Variants in ANKRD13C observed in about 807,000 individuals in gnomAD.
The protein encoded by ANKRD13C is ankyrin repeat domain 13C, also known as ankyrin repeat domain-containing protein 13C.
ANKRD13C carries 16 observed loss-of-function variants against 65.5 expected under a neutral mutation model. That is an observed-to-expected ratio of 0.24 (90% CI 0.17 to 0.37). The LOEUF (loss-of-function observed/expected upper bound fraction) is 0.37, where lower values mean the gene tolerates loss of function less well. Ranked by LOEUF, ANKRD13C falls within the 10% of genes least tolerant of loss-of-function variation. The pLI is 1.00. For synonymous variants in ANKRD13C, 235 were observed against 238.7 expected (o/e 0.98, Z 0.14); for missense variants, 503 against 655.9 (o/e 0.77, Z 2.55).
At chr1:70,347,486 C>T (rs1207326540) in intron 1 of ANKRD13C, among the ~76,000 whole-genome samples, 3 of 152,186 alleles carry the variant, frequency 2.0e-5, no homozygotes, top group Non-Finnish European at 4.4e-5. Context: ...CAGGACCCAA[C>T]ATCACCAATA....
At chr1:70,319,434 C>T (rs1261725862) in intron 3 of ANKRD13C, among the ~76,000 whole-genome samples, 3 of 151,922 alleles carry the variant, frequency 2.0e-5, no homozygotes, top group Admixed American at 6.6e-5. Flanking sequence ...AGTGAAACCC[C>T]GTCTCTACTA....
intron 7 of ANKRD13C, 87 bp from the exon 8 acceptor site, chr1:70,296,348 G>T: frequency 1.5e-6 from 2 of 1,318,382 alleles, no homozygotes; most frequent in Non-Finnish European, 2.1e-6. Context: ...CAATTATAAT[G>T]GTACCAATTT....
intron 7 of ANKRD13C, among the ~76,000 whole-genome samples, chr1:70,297,309 T>TTTTTTTTTG (rs1680130996): frequency 1.4e-5 from 2 of 146,446 alleles, no homozygotes; most frequent in African/African-American, 5.0e-5. Flanking sequence ...TTTTTTTTTT[T>TTTTTTTTTG]TTGAGACAGA....
intron 3 of ANKRD13C, among the ~76,000 whole-genome samples, chr1:70,319,561 C>G (rs998518122): frequency 6.7e-6 from 1 of 148,726 alleles, no homozygotes; most frequent in South Asian, 2.1e-4. Flanking sequence ...GAGCCAAGAT[C>G]GCGCCATTGC....
chr1:70,307,909 A>T (rs879410953), intron 5 of ANKRD13C, among the ~76,000 whole-genome samples: 7 of 152,188 alleles, frequency 4.6e-5, no homozygotes, highest in Non-Finnish European at 1.0e-4. Context: ...TGATCATGCC[A>T]CTGCACTCCA....
intron 12 of ANKRD13C, 40 bp downstream of exon 12, chr1:70,270,816 C>T (rs1326444683): frequency 7.3e-7 from 1 of 1,374,518 alleles, no homozygotes; most frequent in African/African-American, 1.5e-5. Flanking sequence ...GCTCCATATT[C>T]CTAATGGACA....
In ANKRD13C at chr1:70,260,069, C is replaced by T. The variant is rs761312902; in HGVS notation, c.*2648G>A. Among the ~76,000 whole-genome samples, 5 of 152,076 alleles carry T rather than the reference C, an allele frequency of 3.3e-5. No individual in the cohort carries two copies. Among genetic ancestry groups the T allele is most frequent in the Non-Finnish European group, 7.4e-5 (5 of 67,976 alleles). ...TGTATGTGAATACTACTATAAAAAC[C>T]CATTTTTATTAGCATGAGTGGGGCT... On this transcript the variant is annotated 3_prime_UTR_variant, in exon 13 of 13. Coordinates refer to ENST00000370944, the MANE Select transcript of ANKRD13C (RefSeq NM_030816.5).
chr1:70,263,370 A>G (rs1241172889), intron 12 of ANKRD13C, among the ~76,000 whole-genome samples: 1 of 152,242 alleles, frequency 6.6e-6, no homozygotes, highest in Non-Finnish European at 1.5e-5. Flanking sequence ...AAAATATCAT[A>G]CCACCACAGC....
chr1:70,274,015 C>A (rs555280367), intron 11 of ANKRD13C, among the ~76,000 whole-genome samples: 109 of 151,842 alleles, frequency 7.2e-4, no homozygotes, highest in Non-Finnish European at 1.2e-3. Flanking sequence ...TGAACCATTC[C>A]CCCATTTTTA....
At chr1:70,302,972 G>C (rs1313653600) in intron 6 of ANKRD13C, among the ~76,000 whole-genome samples, 1 of 152,076 alleles carries the variant, frequency 6.6e-6, no homozygotes, top group Non-Finnish European at 1.5e-5. Flanking sequence ...AGTGGTAGTG[G>C]GTTGCCAGGA....
chr1:70,266,549 T>A (rs1233559623), intron 12 of ANKRD13C, among the ~76,000 whole-genome samples: 1 of 152,206 alleles, frequency 6.6e-6, no homozygotes, highest in Non-Finnish European at 1.5e-5. Context: ...TTTAAAATAA[T>A]CTTGCCTATG....
chr1:70,336,011 CTA>C, intron 2 of ANKRD13C, 45 bp downstream of exon 2: 1 of 582,952 alleles, frequency 1.7e-6, no homozygotes, highest in Non-Finnish European at 2.6e-6. Flanking sequence ...TTTAAACTGA[CTA>C]TATATAAATG....
At chr1:70,327,642 T>C (rs1681598772) in intron 2 of ANKRD13C, among the ~76,000 whole-genome samples, 1 of 152,352 alleles carries the variant, frequency 6.6e-6, no homozygotes, top group East Asian at 1.9e-4. Flanking sequence ...TCATTAATTT[T>C]CCTTGGTGTG....
chr1:70,309,426 T>C (rs898534441), intron 5 of ANKRD13C, among the ~76,000 whole-genome samples: 4 of 148,000 alleles, frequency 2.7e-5, no homozygotes, highest in Non-Finnish European at 6.0e-5. Context: ...ATCTATAATA[T>C]ACAAATAATA....
Position 70,292,396 on chromosome 1 carries a change from T to G in ANKRD13C, c.1207A>C (p.Asn403His). ...AGAATTAAAAATTATACCTCAAAATTCTGTTCCATTATGTTTCCACCTTTA... is the reference window on the plus strand; with the variant it reads ...AGAATTAAAAATTATACCTCAAAATGCTGTTCCATTATGTTTCCACCTTTA... ...LSKGGNIMEQ[N>H]FEPIRRQSLT... The change falls in exon 9 of 13, where the codon AAT becomes CAT. Residue 403 changes from asparagine (N) to histidine (H), a missense_variant. Asn to His is a moderately conservative substitution (Grantham distance 68, BLOSUM62 1). Coordinates refer to ENST00000370944, the MANE Select transcript of ANKRD13C (RefSeq NM_030816.5). 2 of 1,573,204 alleles carry G rather than the reference T, an allele frequency of 1.3e-6. No individual in the cohort carries two copies. Among genetic ancestry groups the G allele is most frequent in the Non-Finnish European group, 1.7e-6 (2 of 1,167,976 alleles).
rs1680208150 is a variant in ANKRD13C, at chr1:70,298,964, TA to T, written c.921+1799del. 2.6e-5 allele frequency among the ~76,000 whole-genome samples: 4 copies of T among 152,090 alleles called. No homozygotes were observed. In the South Asian group the frequency reaches 8.3e-4, roughly 31 times the overall value. On this transcript the variant is annotated intron_variant, in intron 7 of 12. Transcript: ENST00000370944. ...AGCGTAGAATGTACTGATGCTGTAT[TA>T]GATAACAGGGAATACAACAAAAAGA... is the stretch of plus-strand genomic sequence containing the variant.
rs1015693103 is a variant in ANKRD13C, at chr1:70,260,523, T to C, written c.*2194A>G. 2.0e-5 allele frequency: 3 copies of C among 152,158 alleles called. No individual in the cohort carries two copies. Among genetic ancestry groups the C allele is most frequent in the Non-Finnish European group, 2.9e-5 (2 of 67,988 alleles). The allele number at this position is 152,158 out of a possible 1,614,324, so 9.4% of individuals were successfully genotyped here. ...TGAAAACATATGGTGTTTTGACTTA[T>C]TCATTTGAAACACTGCATATAGCTT... On this transcript the variant is annotated 3_prime_UTR_variant, in exon 13 of 13. Transcript: ENST00000370944.
At chr1:70,324,989 T>C in intron 2 of ANKRD13C, 32 bp from the exon 3 acceptor site, 1 of 1,465,562 alleles carries the variant, frequency 6.8e-7, no homozygotes, top group Non-Finnish European at 9.4e-7. Context: ...ATATCAAACA[T>C]CATGCAATTT....
intron 5 of ANKRD13C, among the ~76,000 whole-genome samples, chr1:70,309,505 T>C (rs966028899): frequency 1.3e-5 from 2 of 148,606 alleles, no homozygotes; most frequent in Admixed American, 1.3e-4. Context: ...GATCACGAGG[T>C]GAGAAGATCA....
Sources: gnomAD v4.1 joint callset for allele counts (sites outside exome capture counted in the v4.1 genomes callset) on GRCh38, gnomAD v4.1.1 for gene constraint, MANE v1.5 for transcripts, NCBI Gene and HGNC (gene_info 2026-07-23, HGNC 2026-07-21) for gene names.